Variants in GRM5 observed in about 807,000 individuals in gnomAD.
The protein encoded by GRM5 is metabotropic glutamate receptor 5.
GRM5 carries 19 observed loss-of-function variants against 83.1 expected under a neutral mutation model. That is an observed-to-expected ratio of 0.23 (90% CI 0.16 to 0.34). The LOEUF is 0.34. GRM5 is among the 10% of genes least tolerant of loss of function. The pLI, the probability that GRM5 is intolerant of heterozygous loss-of-function variation, is 1.00. For synonymous variants in GRM5, 675 were observed against 633.6 expected, an observed-to-expected ratio of 1.07 and a Z score of -0.98; for missense variants, 1,160 against 1,588.3, an observed-to-expected ratio of 0.73 and a Z score of 4.58.
rs34122425 is a variant in GRM5 at position 88,655,671 on chromosome 11, GTT to G, written c.912-2270_912-2269del. Among the ~76,000 whole-genome samples the G allele has an allele frequency of 5.5e-3, 737 of 134,982 alleles. 9 individuals carry two copies. Among genetic ancestry groups the G allele is most frequent in the African/African-American group, 0.019 (690 of 36,634 alleles). The allele number at this position is 134,982 out of a possible 152,430, so 88.6% of individuals were successfully genotyped here. On this transcript the variant is annotated intron_variant, in intron 3 of 9. Coordinates refer to ENST00000305447, the MANE Select transcript of GRM5 (RefSeq NM_001143831.3). ...TGATCTCTCATCATGTACTTTCTCT[GTT>G]TTTTTTTTTTTTGAGGTATATATCT...
chr11:88,558,241 A>T (rs955900205), intron 8 of GRM5, among the ~76,000 whole-genome samples: 11 of 152,134 alleles, frequency 7.2e-5, no homozygotes, highest in Non-Finnish European at 1.5e-4. Context: ...TCTCCAAAGA[A>T]AAGTAACTAT....
intron 2 of GRM5, among the ~76,000 whole-genome samples, chr11:88,931,058 G>T (rs375134989): frequency 9.6e-6 from 1 of 104,666 alleles, no homozygotes; most frequent in Non-Finnish European, 1.9e-5. Flanking sequence ...TAAAAATGGA[G>T]GACATTCTTT....
chr11:88,723,687 G>T (rs1941604314), intron 3 of GRM5, among the ~76,000 whole-genome samples: 2 of 151,812 alleles, frequency 1.3e-5, no homozygotes, highest in Admixed American at 1.3e-4. Flanking sequence ...TATCATTGAG[G>T]TTTTAAACAG....
chr11:88,519,979 C>T (rs531762650), intron 9 of GRM5, among the ~76,000 whole-genome samples: 1 of 152,074 alleles, frequency 6.6e-6, no homozygotes, highest in Non-Finnish European at 1.5e-5. Flanking sequence ...AATGACACTC[C>T]GTGGTCACAC....
intron 3 of GRM5, among the ~76,000 whole-genome samples, chr11:88,732,043 T>C (rs1941818331): frequency 6.6e-6 from 1 of 152,024 alleles, no homozygotes. Context: ...ATTGAGGTAA[T>C]AATTATTCAT....
chr11:89,028,088 G>T (rs1360718595), intron 2 of GRM5, among the ~76,000 whole-genome samples: 11 of 152,148 alleles, frequency 7.2e-5, no homozygotes, highest in Non-Finnish European at 1.5e-4. Context: ...CCAGCGTCTT[G>T]ATACTGGACC....
intron 3 of GRM5, among the ~76,000 whole-genome samples, chr11:88,751,072 C>CG (rs1555007917): frequency 1.3e-4 from 6 of 47,366 alleles, no homozygotes; most frequent in Non-Finnish European, 2.2e-4. Flanking sequence ...TAGCAGAAGC[C>CG]AAAAAAAAAA....
chr11:88,724,346 C>G (rs1219459670), intron 3 of GRM5, among the ~76,000 whole-genome samples: 1 of 152,118 alleles, frequency 6.6e-6, no homozygotes, highest in Non-Finnish European at 1.5e-5. Flanking sequence ...TCGGTCCCTG[C>G]CACTCTGCTT....
chr11:88,767,896 T>C (rs1467621224), intron 3 of GRM5, among the ~76,000 whole-genome samples: 2 of 151,838 alleles, frequency 1.3e-5, no homozygotes, highest in Non-Finnish European at 2.9e-5. Flanking sequence ...AGATACCACC[T>C]TACACCCAAT....
At chr11:88,973,835 T>C (rs1939241864) in intron 2 of GRM5, among the ~76,000 whole-genome samples, 1 of 152,174 alleles carries the variant, frequency 6.6e-6, no homozygotes, top group African/African-American at 2.4e-5. Context: ...GGGTGAAAGT[T>C]ATACAACAGG....
intron 3 of GRM5, among the ~76,000 whole-genome samples, chr11:88,842,664 G>A (rs892938234): frequency 6.6e-6 from 1 of 152,034 alleles, no homozygotes; most frequent in Admixed American, 6.5e-5. Context: ...CTCTGGATTT[G>A]CCTGTTCCTG....
At chr11:88,646,896 CA>C (rs143740677) in intron 4 of GRM5, among the ~76,000 whole-genome samples, 2 of 139,896 alleles carry the variant, frequency 1.4e-5, no homozygotes, top group South Asian at 2.4e-4. Context: ...GTTGCCATTA[CA>C]AAAAAAAAAC....
chr11:88,678,037 A>G (rs1370512300), intron 3 of GRM5, among the ~76,000 whole-genome samples: 1 of 135,110 alleles, frequency 7.4e-6, no homozygotes, highest in Admixed American at 8.3e-5. Flanking sequence ...AACGTGATGC[A>G]TTTTTATTCA....
intron 3 of GRM5, among the ~76,000 whole-genome samples, chr11:88,806,035 T>C (rs1236773863): frequency 3.9e-5 from 6 of 152,182 alleles, no homozygotes; most frequent in Admixed American, 3.3e-4. Context: ...ATAATTCAAA[T>C]CCCAATTCTG....
intron 2 of GRM5, among the ~76,000 whole-genome samples, chr11:88,933,388 A>G (rs555700965): frequency 6.6e-6 from 1 of 151,564 alleles, no homozygotes; most frequent in South Asian, 2.1e-4. Context: ...ATCAGCTGGG[A>G]CTCTCCTGAC....
chr11:88,994,623 A>C (rs34788737), intron 2 of GRM5, among the ~76,000 whole-genome samples: 3,643 of 149,262 alleles, frequency 0.024, 86 homozygotes, highest in East Asian at 0.099. Context: ...AAAAAAAAAA[A>C]AAAACAGTAA....
At chr11:88,649,384 A>T (rs1939568704) in intron 4 of GRM5, among the ~76,000 whole-genome samples, 4 of 141,850 alleles carry the variant, frequency 2.8e-5, no homozygotes, top group African/African-American at 1.0e-4. Context: ...TATATTATGT[A>T]TTATATATTA....
At chr11:88,736,876 T>C (rs1267785269) in intron 3 of GRM5, among the ~76,000 whole-genome samples, 2 of 151,870 alleles carry the variant, frequency 1.3e-5, no homozygotes, top group Non-Finnish European at 2.9e-5. Flanking sequence ...AAGAAAAGTG[T>C]TGGAAAAGGT....
rs545553078 is a variant in GRM5 at position 88,736,731 on chromosome 11, T to C, written c.912-83328A>G. The stretch of plus-strand genomic sequence containing the variant: ...TGGATAATTCACTGATTCTCTGCCA[T>C]GTAATCCCTTGCAGGAAAATACTGT... On this transcript the variant is annotated intron_variant, in intron 3 of 9. Coordinates refer to ENST00000305447, the MANE Select transcript of GRM5 (RefSeq NM_001143831.3). 3.9e-5 allele frequency among the ~76,000 whole-genome samples: 6 copies of C among 152,170 alleles called. No individual in the cohort carries two copies. The South Asian group carries it at 8.3e-4, about 21-fold the overall frequency.
Sources: allele counts gnomAD v4.1 joint callset (sites outside exome capture counted in the v4.1 genomes callset), GRCh38; gene constraint gnomAD v4.1.1; transcripts MANE v1.5; gene names NCBI Gene and HGNC (gene_info 2026-07-23, HGNC 2026-07-21).